The following SIK2 variants were observed in gnomAD, a reference collection of about 807,000 sequenced individuals.
The protein encoded by SIK2 is salt inducible kinase 2, also known as serine/threonine-protein kinase SIK2.
SIK2 carries 29 observed loss-of-function variants against 103.2 expected under a neutral mutation model. The ratio of observed to expected loss-of-function variants is 0.28; its 90% confidence interval spans 0.21 to 0.38. SIK2 has a LOEUF of 0.38. SIK2 is among the 10% of genes least tolerant of loss of function. SIK2 has a pLI of 1.00. For missense variants in SIK2, 879 were observed against 1,171.0 expected, an observed-to-expected ratio of 0.75 and a Z score of 3.64; for synonymous variants, 412 against 446.1, an observed-to-expected ratio of 0.92 and a Z score of 0.96.
Position 111,727,196 on chromosome 11 carries a change from T to C in SIK2, c.*3067T>C. 1 of 710,774 alleles carries C rather than the reference T, an allele frequency of 1.4e-6. No individual in the cohort carries two copies. Among genetic ancestry groups the C allele is most frequent in the South Asian group, 1.7e-5 (1 of 59,114 alleles). The allele number at this position is 710,774 out of a possible 1,614,324, so 44.0% of individuals were successfully genotyped here. A position where few individuals can be genotyped will look rare whatever the true frequency, so the allele number is the denominator to read the frequency against. On this transcript the variant is annotated 3_prime_UTR_variant, in exon 15 of 15. Coordinates refer to ENST00000304987, the MANE Select transcript of SIK2 (RefSeq NM_015191.3). ...TGTCACCGTGGGAAAAGGAGGCTGA[T>C]GGTTCTCTACACCATCCACCTTGAG... is the stretch of plus-strand genomic sequence containing the variant.
At chr11:111,657,051 T>A (rs10891285) in intron 3 of SIK2, among the ~76,000 whole-genome samples, 79 of 152,162 alleles carry the variant, frequency 5.2e-4, no homozygotes, top group Non-Finnish European at 9.4e-4. Context: ...CTACAACTTG[T>A]ATAAGATGTG....
chr11:111,651,481 T>G (rs1465919420), intron 3 of SIK2, among the ~76,000 whole-genome samples: 1 of 151,994 alleles, frequency 6.6e-6, no homozygotes, highest in Non-Finnish European at 1.5e-5. Flanking sequence ...AGCTGAACAA[T>G]GAGAACACAA....
intron 8 of SIK2, among the ~76,000 whole-genome samples, chr11:111,706,542 A>G (rs1377681112): frequency 6.6e-6 from 1 of 152,262 alleles, no homozygotes; most frequent in African/African-American, 2.4e-5. Flanking sequence ...GCAGTTTTAC[A>G]AAATTTACAG....
rs1019595092 is a variant in SIK2 at position 111,703,326 on chromosome 11, C to T, written c.851C>T (p.Pro284Leu). 11 of 1,614,044 alleles carry T rather than the reference C, an allele frequency of 6.8e-6. No individual in the cohort carries two copies. The highest frequency in any genetic ancestry group is 8.5e-6 in the Non-Finnish European group (10 of 1,180,026). The change falls in exon 7 of 15, where the codon CCA becomes CTA. Residue 284 changes from proline (P) to leucine (L), a missense_variant. Pro to Leu is a moderately conservative substitution (Grantham distance 98, BLOSUM62 -3). Coordinates refer to ENST00000304987, the MANE Select transcript of SIK2 (RefSeq NM_015191.3). ...EVPVQRPVLY[P>L]QEQENEPSIG... ...CCTGTCCAGAGACCTGTTCTCTATC[C>T]ACAAGAGCAAGAAAATGAGCCATCC...
chr11:111,672,200 C>T (rs1035644898), intron 3 of SIK2: 2 of 398,146 alleles, frequency 5.0e-6, no homozygotes, highest in Admixed American at 3.6e-5. Context: ...GCTGTGATGC[C>T]CCCCCATACC....
intron 9 of SIK2, chr11:111,718,978 T>C (rs1025699128): frequency 6.6e-6 from 1 of 152,280 alleles, no homozygotes; most frequent in African/African-American, 2.4e-5. Flanking sequence ...GGCAACTGCA[T>C]GGGAAGGGCC....
chr11:111,664,418 C>A (rs550053702), intron 3 of SIK2, among the ~76,000 whole-genome samples: 3 of 152,156 alleles, frequency 2.0e-5, no homozygotes, highest in African/African-American at 7.2e-5. Flanking sequence ...GAGTTGGTGA[C>A]CAGCCTGGCC....
intron 3 of SIK2, among the ~76,000 whole-genome samples, chr11:111,658,626 C>T (rs1382237570): frequency 6.6e-6 from 1 of 151,986 alleles, no homozygotes; most frequent in Non-Finnish European, 1.5e-5. Context: ...GCCTGTAGTC[C>T]TAGCTACTCA....
rs1843761295 is a variant in SIK2 at position 111,730,068 on chromosome 11, TAC to T, written c.*5941_*5942del. 1 of 152,238 alleles carries T rather than the reference TAC, an allele frequency of 6.6e-6. No homozygotes were observed. Among genetic ancestry groups the T allele is most frequent in the Admixed American group, 6.5e-5 (1 of 15,288 alleles). 9.4% of individuals were successfully genotyped at this position (152,238 alleles called of 1,614,324 possible). On this transcript the variant is annotated 3_prime_UTR_variant, in exon 15 of 15. Coordinates refer to ENST00000304987, the MANE Select transcript of SIK2 (RefSeq NM_015191.3). ...CTCAACGAGGGGCGTAACATTTCCTTACAGTCAAGCCCCATCAACTAGAAGTG... is the reference window on the plus strand; with the variant it reads ...CTCAACGAGGGGCGTAACATTTCCTTAGTCAAGCCCCATCAACTAGAAGTG...
intron 3 of SIK2, among the ~76,000 whole-genome samples, chr11:111,686,730 GAATT>G (rs1942851675): frequency 1.3e-5 from 2 of 152,340 alleles, no homozygotes; most frequent in African/African-American, 4.8e-5. Flanking sequence ...TAGTCACATA[GAATT>G]AATTTTTAGG....
chr11:111,609,336 G>A (rs369481191), intron 1 of SIK2, among the ~76,000 whole-genome samples: 9 of 150,988 alleles, frequency 6.0e-5, no homozygotes, highest in South Asian at 2.1e-4. Flanking sequence ...TTTTTTTTGG[G>A]GGGGGGACAG....
At chr11:111,641,270 T>C (rs993847747) in intron 3 of SIK2, among the ~76,000 whole-genome samples, 1 of 152,164 alleles carries the variant, frequency 6.6e-6, no homozygotes, top group Non-Finnish European at 1.5e-5. Flanking sequence ...GAACCTCAAA[T>C]CCATAACCTG....
chr11:111,677,505 C>T (rs1435228198), intron 3 of SIK2, among the ~76,000 whole-genome samples: 1 of 152,012 alleles, frequency 6.6e-6, no homozygotes, highest in African/African-American at 2.4e-5. Context: ...GCAACCTCCG[C>T]CTCCCAGGTT....
At chr11:111,619,393 T>A (rs1349006792) in intron 2 of SIK2, among the ~76,000 whole-genome samples, 2 of 152,136 alleles carry the variant, frequency 1.3e-5, no homozygotes, top group African/African-American at 4.8e-5. Context: ...GTATTTATTT[T>A]TATATATTTA....
At chr11:111,623,337 C>T (rs922892403) in intron 3 of SIK2, among the ~76,000 whole-genome samples, 1 of 152,172 alleles carries the variant, frequency 6.6e-6, no homozygotes, top group African/African-American at 2.4e-5. Flanking sequence ...TTTCCAGCAT[C>T]TCTGTCAGTT....
chr11:111,694,369 A>G (rs912641081), intron 4 of SIK2, among the ~76,000 whole-genome samples: 14 of 152,176 alleles, frequency 9.2e-5, no homozygotes, highest in African/African-American at 3.4e-4. Context: ...TGTAATTAGT[A>G]TTGTATAATT....
chr11:111,702,428 G>GT (rs897555739), intron 6 of SIK2, among the ~76,000 whole-genome samples: 1 of 151,906 alleles, frequency 6.6e-6, no homozygotes, highest in South Asian at 2.1e-4. Flanking sequence ...CTACAAAAAA[G>GT]TTTTTTTTCA....
chr11:111,617,325 T>A (rs1941820912), intron 2 of SIK2, among the ~76,000 whole-genome samples: 2 of 152,342 alleles, frequency 1.3e-5, no homozygotes, highest in African/African-American at 4.8e-5. Context: ...GATAATATAG[T>A]ACAAAATATT....
At chr11:111,718,823 G>T (rs183442912) in intron 9 of SIK2, 1 of 152,322 alleles carries the variant, frequency 6.6e-6, no homozygotes, top group East Asian at 1.9e-4. Context: ...CTATTCATAG[G>T]AGAAAATGGA....
Sources: gnomAD v4.1 joint callset for allele counts (sites outside exome capture counted in the v4.1 genomes callset) on GRCh38, gnomAD v4.1.1 for gene constraint, MANE v1.5 for transcripts, NCBI Gene and HGNC (gene_info 2026-07-23, HGNC 2026-07-21) for gene names.